PPP4R1: variants seen among roughly 807,000 people sequenced by gnomAD.
The protein encoded by PPP4R1 is serine/threonine-protein phosphatase 4 regulatory subunit 1.
Under a neutral mutation model 111.2 loss-of-function variants are expected in PPP4R1, and 42 were observed. The ratio of observed to expected loss-of-function variants is 0.38; its 90% CI spans 0.29 to 0.49. The LOEUF (loss-of-function observed/expected upper bound fraction) is 0.49, where lower values mean the gene tolerates loss of function less well. PPP4R1 is among the 20% of genes least tolerant of loss of function. The pLI is 0.97. For synonymous variants in PPP4R1, 409 were observed against 405.5 expected (o/e 1.01, Z -0.10); for missense variants, 1,012 against 1,161.6 (o/e 0.87, Z 1.87).
chr18:9,584,674 C>T (rs1022972574), intron 7 of PPP4R1, 47 bp downstream of exon 7: 7 of 1,605,132 alleles, frequency 4.4e-6, no homozygotes, highest in East Asian at 2.2e-5. Flanking sequence ...ACATTAACCA[C>T]TAGAACTATG....
chr18:9,567,372 G>C (rs2145092039), intron 11 of PPP4R1, among the ~76,000 whole-genome samples: 1 of 152,318 alleles, frequency 6.6e-6, no homozygotes, highest in Non-Finnish European at 1.5e-5. Context: ...TTTAATTTTA[G>C]AGATGGGGTC....
Position 9,570,751 on chromosome 18 carries a change from A to C in PPP4R1, c.1047-68T>G, listed in dbSNP as rs1304202325. 4 of 1,447,654 alleles carry C rather than the reference A, an allele frequency of 2.8e-6. No homozygotes were observed. The Admixed American group carries it at 9.8e-5, about 35-fold the overall frequency. The allele number at this position is 1,447,654 out of a possible 1,614,324, so 89.7% of individuals were successfully genotyped here. A position where few individuals can be genotyped will look rare whatever the true frequency, so the allele number is the denominator to read the frequency against. On this transcript the variant is annotated intron_variant, in intron 10 of 19. Transcript: ENST00000400556. ...ATAATTACTTTAAAAAAACTGATGA[A>C]AGATATTACATATAGCATTTAGACA...
chr18:9,576,142 C>T (rs2066932153), intron 10 of PPP4R1, among the ~76,000 whole-genome samples: 1 of 152,064 alleles, frequency 6.6e-6, no homozygotes, highest in South Asian at 2.1e-4. Flanking sequence ...TAAAACAAGG[C>T]AGCAGAGAAG....
chr18:9,614,124 G>T lies in PPP4R1; in HGVS notation c.52+102C>A. ...CCGCCTGGGGCCGCCCTCGCCCACC[G>T]TCCCCTCAGCCAGCCAGGGCCCGGC... On this transcript the variant is annotated intron_variant, in intron 2 of 19. Coordinates refer to ENST00000400556, the MANE Select transcript of PPP4R1 (RefSeq NM_001042388.3). This position sits in a 1 kb window ranked among gnomAD's most constrained non-coding sequence, Gnocchi z 4.1. 1 of 1,035,412 alleles carries T rather than the reference G, an allele frequency of 9.7e-7. No individual in the cohort carries two copies. Among genetic ancestry groups the T allele is most frequent in the South Asian group, 4.2e-5 (1 of 23,824 alleles). 64.1% of individuals were successfully genotyped at this position (1,035,412 alleles called of 1,614,324 possible).
intron 13 of PPP4R1, among the ~76,000 whole-genome samples, chr18:9,560,774 A>G (rs950291444): frequency 1.1e-4 from 16 of 149,930 alleles, no homozygotes; most frequent in Non-Finnish European, 1.6e-4. Context: ...AGAAGGATCG[A>G]ATGCTTGAGC....
intron 9 of PPP4R1, among the ~76,000 whole-genome samples, chr18:9,580,158 G>A (rs2067003009): frequency 6.6e-6 from 1 of 152,118 alleles, no homozygotes; most frequent in African/African-American, 2.4e-5. Flanking sequence ...ATATGCAAAG[G>A]TCCTGAGATT....
At chr18:9,583,055 T>C (rs1276017113) in intron 9 of PPP4R1, 62 bp downstream of exon 9, 2 of 1,396,640 alleles carry the variant, frequency 1.4e-6, no homozygotes, top group Non-Finnish European at 1.9e-6. Flanking sequence ...AGGTCAAAAT[T>C]ATGTTTGCTT....
At chr18:9,599,569 A>G (rs1451653431) in intron 2 of PPP4R1, 1 of 152,120 alleles carries the variant, frequency 6.6e-6, no homozygotes, top group Non-Finnish European at 1.5e-5. Context: ...ATTACAAACA[A>G]CACCTAACCA....
At chr18:9,548,089 T>C (rs2066427996) in intron 19 of PPP4R1, 137 bp from the exon 20 acceptor site, 1 of 835,822 alleles carries the variant, frequency 1.2e-6, no homozygotes, top group Non-Finnish European at 1.8e-6. Flanking sequence ...TAAACAGTAA[T>C]CCAAACTGAT....
intron 5 of PPP4R1, among the ~76,000 whole-genome samples, 191 bp downstream of exon 5, chr18:9,588,520 T>C (rs1469581793): frequency 2.0e-5 from 3 of 152,212 alleles, no homozygotes; most frequent in Non-Finnish European, 4.4e-5. Context: ...AGAGTGCAGT[T>C]ACTAGGCATT....
Position 9,571,669 on chromosome 18 carries a change from A to G in PPP4R1, c.1047-986T>C, listed in dbSNP as rs1351012457. On this transcript the variant is annotated intron_variant, in intron 10 of 19. Transcript: ENST00000400556. ...GAGTTGTGCTTAGAAGAACCAATACATGTTTATGGGGCTAAGGGGAAGAAA... is the reference window on the plus strand; with the variant it reads ...GAGTTGTGCTTAGAAGAACCAATACGTGTTTATGGGGCTAAGGGGAAGAAA... Among the ~76,000 whole-genome samples, 3 of 152,174 alleles carry G rather than the reference A, an allele frequency of 2.0e-5. No individual in the cohort carries two copies. The East Asian group carries it at 5.8e-4, about 29-fold the overall frequency.
At chr18:9,554,590 C>G (rs140209687) in intron 15 of PPP4R1, among the ~76,000 whole-genome samples, 1 of 151,972 alleles carries the variant, frequency 6.6e-6, no homozygotes, top group African/African-American at 2.4e-5. Flanking sequence ...ATCACACCTC[C>G]TAGCTACTAT....
intron 16 of PPP4R1, 134 bp downstream of exon 16, chr18:9,553,188 A>AG (rs2066516419): frequency 7.6e-6 from 5 of 656,832 alleles, no homozygotes; most frequent in Non-Finnish European, 1.3e-5. Context: ...CACATATTAC[A>AG]GGAAGCGTTA....
intron 6 of PPP4R1, among the ~76,000 whole-genome samples, chr18:9,586,634 T>A (rs1323913764): frequency 6.6e-6 from 1 of 152,078 alleles, no homozygotes; most frequent in Non-Finnish European, 1.5e-5. Context: ...ACTAGAGAGA[T>A]CATCTAATTC....
At chr18:9,557,697 C>T (rs1269113781) in intron 14 of PPP4R1, among the ~76,000 whole-genome samples, 1 of 152,216 alleles carries the variant, frequency 6.6e-6, no homozygotes, top group Non-Finnish European at 1.5e-5. Context: ...TCTGTTATTA[C>T]TCCTAAGCTC....
chr18:9,561,029 C>A (rs2066665821), intron 13 of PPP4R1, among the ~76,000 whole-genome samples: 1 of 151,554 alleles, frequency 6.6e-6, no homozygotes, highest in Non-Finnish European at 1.5e-5. Flanking sequence ...ACCAGCCTGG[C>A]CAACACGGCG....
chr18:9,549,400 G>T, intron 18 of PPP4R1, 62 bp from the exon 19 acceptor site: 1 of 1,539,810 alleles, frequency 6.5e-7, no homozygotes, highest in Non-Finnish European at 8.9e-7. Context: ...CTCGACTACT[G>T]GCTAACAAAA....
At chr18:9,554,277 G>GCC (rs2066534752) in intron 15 of PPP4R1, among the ~76,000 whole-genome samples, 1 of 151,906 alleles carries the variant, frequency 6.6e-6, no homozygotes, top group Non-Finnish European at 1.5e-5. Flanking sequence ...ACAGGCGCAT[G>GCC]CCACCACGCC....
intron 10 of PPP4R1, among the ~76,000 whole-genome samples, chr18:9,571,792 G>A (rs1214384299): frequency 6.6e-6 from 1 of 152,202 alleles, no homozygotes; most frequent in African/African-American, 2.4e-5. Context: ...TGGATGACAA[G>A]GATGAAAGAT....
Sources: gnomAD v4.1 joint callset for allele counts (sites outside exome capture counted in the v4.1 genomes callset) on GRCh38, gnomAD v4.1.1 for gene constraint, Gnocchi (gnomAD v3.1) non-coding constraint, MANE v1.5 for transcripts, NCBI Gene and HGNC (gene_info 2026-07-23, HGNC 2026-07-21) for gene names.